Variants in MAML2 observed in about 807,000 individuals in gnomAD.
The protein encoded by MAML2 is mastermind-like protein 2.
Under a neutral mutation model 96.1 loss-of-function variants are expected in MAML2, and 22 were observed. The ratio of observed to expected loss-of-function variants is 0.23; its 90% CI spans 0.16 to 0.33. The LOEUF is 0.33. Among genes scored for constraint, MAML2 ranks in the 10% least tolerant of loss-of-function variants. The probability of loss-of-function intolerance (pLI) is 1.00; values close to 1 mark genes in which losing one functional copy is unlikely to be tolerated. For missense variants in MAML2, 1,367 were observed against 1,392.4 expected (o/e 0.98, Z 0.29); for synonymous variants, 561 against 521.3 (o/e 1.08, Z -1.04).
chr11:96,048,555 A>C (rs1858942775), intron 2 of MAML2, among the ~76,000 whole-genome samples: 1 of 152,238 alleles, frequency 6.6e-6, no homozygotes. Context: ...ATTTTCTAAG[A>C]AAATGTCTTA....
In MAML2 at chr11:96,306,430, C is replaced by T. The variant is rs1863462723; in HGVS notation, c.513+34953G>A. Among the ~76,000 whole-genome samples, 6 of 152,162 alleles carry T rather than the reference C, an allele frequency of 3.9e-5. No homozygotes were observed. In the South Asian group the frequency reaches 1.0e-3, roughly 26 times the overall value. On this transcript the variant is annotated intron_variant, in intron 1 of 4. Transcript: ENST00000524717. Reference sequence around the variant, plus strand: ...TGACTACTGCAAAAAGGGGACTGAACCTAGCTCCCTTTGTGACTTGAAAGG... The same window carrying T: ...TGACTACTGCAAAAAGGGGACTGAATCTAGCTCCCTTTGTGACTTGAAAGG...
intron 1 of MAML2, among the ~76,000 whole-genome samples, chr11:96,227,545 AAG>A (rs1862231926): frequency 6.6e-6 from 1 of 152,182 alleles, no homozygotes. Context: ...ATGAGCTCTG[AAG>A]TTAAACATAT....
chr11:96,043,043 G>A (rs527733062), intron 2 of MAML2, among the ~76,000 whole-genome samples: 5 of 152,270 alleles, frequency 3.3e-5, no homozygotes, highest in African/African-American at 1.2e-4. Flanking sequence ...ACCACCCGGC[G>A]AATCCTTAAC....
intron 2 of MAML2, among the ~76,000 whole-genome samples, chr11:96,067,907 C>T (rs140458972): frequency 3.3e-5 from 5 of 152,278 alleles, no homozygotes; most frequent in African/African-American, 9.6e-5. Flanking sequence ...AGAATTCTAA[C>T]ATTTTTTTCC....
intron 1 of MAML2, among the ~76,000 whole-genome samples, chr11:96,201,699 C>T (rs1861824138): frequency 6.6e-6 from 1 of 152,032 alleles, no homozygotes; most frequent in African/African-American, 2.4e-5. Context: ...GCAGGCGGAT[C>T]ACGAGGTCAG....
chr11:96,109,776 A>C (rs1860087930), intron 1 of MAML2, among the ~76,000 whole-genome samples: 1 of 152,264 alleles, frequency 6.6e-6, no homozygotes, highest in East Asian at 1.9e-4. Flanking sequence ...TCTGTGGGGC[A>C]TGTAAGTGGA....
chr11:96,334,319 A>T (rs1291052664), intron 1 of MAML2, among the ~76,000 whole-genome samples: 1 of 152,214 alleles, frequency 6.6e-6, no homozygotes, highest in Admixed American at 6.5e-5. Flanking sequence ...GCTAAAATTT[A>T]TTGAGCCTTT....
chr11:96,080,848 G>A (rs374929908), intron 2 of MAML2, among the ~76,000 whole-genome samples: 2 of 152,238 alleles, frequency 1.3e-5, no homozygotes, highest in East Asian at 3.9e-4. Flanking sequence ...ATATTGAAAG[G>A]TTTCAGAAAG....
chr11:96,239,420 C>T (rs1862403713), intron 1 of MAML2, among the ~76,000 whole-genome samples: 1 of 152,140 alleles, frequency 6.6e-6, no homozygotes, highest in South Asian at 2.1e-4. Context: ...AAGCCTATGG[C>T]TATTTTCGTC....
chr11:96,225,551 G>A (rs1364962694), intron 1 of MAML2, among the ~76,000 whole-genome samples: 1 of 152,150 alleles, frequency 6.6e-6, no homozygotes, highest in Non-Finnish European at 1.5e-5. Context: ...AATAACCATG[G>A]CCAGGCATGG....
chr11:96,081,588 G>A (rs1859530328), intron 2 of MAML2, among the ~76,000 whole-genome samples: 1 of 152,128 alleles, frequency 6.6e-6, no homozygotes, highest in African/African-American at 2.4e-5. Flanking sequence ...TTAAATGAGG[G>A]CTCAGTTTTG....
At chr11:96,006,872 T>TACACACAC (rs57492080) in intron 2 of MAML2, among the ~76,000 whole-genome samples, 88 of 124,032 alleles carry the variant, frequency 7.1e-4, no homozygotes, top group African/African-American at 9.5e-4. Context: ...GAATATCTTA[T>TACACACAC]ACACACACAC....
intron 1 of MAML2, among the ~76,000 whole-genome samples, chr11:96,303,461 C>A (rs900903910): frequency 2.0e-5 from 3 of 152,034 alleles, no homozygotes; most frequent in African/African-American, 7.3e-5. Context: ...GTATAGGAAC[C>A]ATTATTCTGT....
chr11:96,233,061 T>C lies in MAML2; in HGVS notation c.513+108322A>G, dbSNP rs563335610. On this transcript the variant is annotated intron_variant, in intron 1 of 4. Transcript: ENST00000524717. The stretch of plus-strand genomic sequence containing the variant: ...TCTAATTATTTGCTCTTAAGACCAA[T>C]TTTTTAAAGCTGTCACTAATGCAAT... Among the ~76,000 whole-genome samples the C allele has an allele frequency of 2.3e-4, 35 of 152,326 alleles. 1 individual carries two copies. The highest frequency in any genetic ancestry group is 1.7e-3 in the South Asian group (8 of 4,828).
chr11:95,984,203 C>T (rs2135702661), intron 4 of MAML2, among the ~76,000 whole-genome samples: 1 of 152,296 alleles, frequency 6.6e-6, no homozygotes, highest in East Asian at 1.9e-4. Flanking sequence ...TAGAAGCAAT[C>T]AGCTATATCA....
At chr11:96,148,659 T>TACACACACACACACACAC (rs58470055) in intron 1 of MAML2, among the ~76,000 whole-genome samples, 56 of 131,960 alleles carry the variant, frequency 4.2e-4, no homozygotes, top group African/African-American at 1.4e-3. Flanking sequence ...TTCTGAAAAA[T>TACACACACACACACACAC]ACACACACAC....
chr11:96,268,577 A>G (rs960162943), intron 1 of MAML2, among the ~76,000 whole-genome samples: 5 of 152,208 alleles, frequency 3.3e-5, no homozygotes, highest in Admixed American at 2.6e-4. Context: ...GAAAATTGGT[A>G]TATGATATGG....
intron 2 of MAML2, among the ~76,000 whole-genome samples, chr11:96,089,853 G>C: frequency 8.8e-6 from 1 of 113,370 alleles, no homozygotes; most frequent in African/African-American, 3.1e-5. Context: ...CTTTTTAAGG[G>C]CCTTTTGGAA....
Position 96,210,172 on chromosome 11 carries a change from C to A in MAML2, c.514-116655G>T, listed in dbSNP as rs371134003. ...CCAGTTTGGAGTGAGTGCAGTGGCA[C>A]AATTTTGGCTCACTGCAATCTCCAC... On this transcript the variant is annotated intron_variant, in intron 1 of 4. Transcript: ENST00000524717. 2.0e-5 allele frequency among the ~76,000 whole-genome samples: 3 copies of A among 152,142 alleles called. No individual in the cohort carries two copies. In the East Asian group the frequency reaches 5.8e-4, roughly 29 times the overall value.
Sources: allele counts gnomAD v4.1 joint callset (sites outside exome capture counted in the v4.1 genomes callset), GRCh38; gene constraint gnomAD v4.1.1; transcripts MANE v1.5; gene names NCBI Gene and HGNC (gene_info 2026-07-23, HGNC 2026-07-21).